The following CSMD1 variants were observed in gnomAD, a reference collection of about 807,000 sequenced individuals.
CSMD1 encodes the protein CUB and Sushi multiple domains 1, also known as CUB and sushi domain-containing protein 1.
A neutral mutation model predicts 417.5 loss-of-function variants in CSMD1; 213 were observed. That is an observed-to-expected ratio of 0.51 (90% confidence interval 0.46 to 0.57). CSMD1 has a LOEUF of 0.57. Among genes scored for constraint, CSMD1 ranks in the 20% least tolerant of loss-of-function variants. CSMD1 has a pLI of 0.00. For synonymous variants in CSMD1, 2,862 were observed against 1,736.8 expected (o/e 1.65, Z -16.11); for missense variants, 6,923 against 4,529.7 (o/e 1.53, Z -15.17).
At chr8:3,834,829 G>T (rs1019582840) in intron 5 of CSMD1, among the ~76,000 whole-genome samples, 1 of 151,784 alleles carries the variant, frequency 6.6e-6, no homozygotes, top group Non-Finnish European at 1.5e-5. Context: ...CTGACAAAGG[G>T]CTAATATCCA....
At chr8:3,605,057 C>T (rs1251900632) in intron 8 of CSMD1, among the ~76,000 whole-genome samples, 2 of 152,068 alleles carry the variant, frequency 1.3e-5, no homozygotes, top group African/African-American at 2.4e-5. Context: ...TGCAGTGGTG[C>T]CATCTCGGCT....
At chr8:3,328,570 C>G (rs1806688311) in intron 23 of CSMD1, among the ~76,000 whole-genome samples, 1 of 152,198 alleles carries the variant, frequency 6.6e-6, no homozygotes. Context: ...CAGCAATGAT[C>G]AGTTTCAATC....
intron 5 of CSMD1, among the ~76,000 whole-genome samples, chr8:3,940,717 A>G (rs2129759636): frequency 6.6e-6 from 1 of 152,068 alleles, no homozygotes; most frequent in African/African-American, 2.4e-5. Flanking sequence ...CAAATTTCAT[A>G]CTAGCATTCA....
intron 5 of CSMD1, among the ~76,000 whole-genome samples, chr8:3,971,454 T>G (rs922149210): frequency 6.6e-6 from 1 of 152,186 alleles, no homozygotes; most frequent in Admixed American, 6.5e-5. Context: ...GGGATTCGAC[T>G]AATGCAATTG....
At chr8:3,615,398 A>G (rs765529467) in intron 8 of CSMD1, among the ~76,000 whole-genome samples, 15 of 152,124 alleles carry the variant, frequency 9.9e-5, no homozygotes, top group Non-Finnish European at 1.8e-4. Flanking sequence ...TCCTCCAGAG[A>G]CCACTTTTCC....
intron 2 of CSMD1, among the ~76,000 whole-genome samples, chr8:4,478,552 G>A (rs1432800720): frequency 1.3e-5 from 2 of 152,086 alleles, no homozygotes; most frequent in African/African-American, 2.4e-5. Flanking sequence ...TCCATTTAAT[G>A]TACCGATATT....
intron 14 of CSMD1, 86 bp downstream of exon 14, chr8:3,407,813 A>T (rs2116904751): frequency 8.7e-7 from 1 of 1,145,360 alleles, no homozygotes; most frequent in Non-Finnish European, 1.2e-6. Context: ...TCAACCTTGA[A>T]ATGCAACTTC....
intron 1 of CSMD1, among the ~76,000 whole-genome samples, chr8:4,649,649 T>C (rs1160083958): frequency 6.6e-6 from 1 of 152,256 alleles, no homozygotes; most frequent in Non-Finnish European, 1.5e-5. Flanking sequence ...AGAACTCTTC[T>C]ACTCCTCTTT....
At chr8:3,205,337 T>C (rs1258110750) in intron 31 of CSMD1, among the ~76,000 whole-genome samples, 167 bp downstream of exon 31, 1 of 152,210 alleles carries the variant, frequency 6.6e-6, no homozygotes, top group Admixed American at 6.5e-5. Context: ...AGGACTGTAA[T>C]GGACATTGTG....
chr8:3,536,177 C>T (rs1431923182), intron 10 of CSMD1, among the ~76,000 whole-genome samples: 1 of 152,238 alleles, frequency 6.6e-6, no homozygotes, highest in East Asian at 1.9e-4. Context: ...ACGGGGCTTT[C>T]AGCAGACGTA....
chr8:4,544,559 A>G (rs1797551326), intron 2 of CSMD1, among the ~76,000 whole-genome samples: 1 of 152,158 alleles, frequency 6.6e-6, no homozygotes, highest in Non-Finnish European at 1.5e-5. Context: ...TTTAGAGGAC[A>G]CAGAAGGAAA....
chr8:4,403,183 T>C (rs1804767442), intron 3 of CSMD1, among the ~76,000 whole-genome samples: 1 of 152,188 alleles, frequency 6.6e-6, no homozygotes, highest in Admixed American at 6.5e-5. Flanking sequence ...ATTAGTCTGA[T>C]TACTGAAAGA....
intron 3 of CSMD1, among the ~76,000 whole-genome samples, chr8:4,300,733 G>T (rs377420944): frequency 6.6e-6 from 1 of 152,028 alleles, no homozygotes. Flanking sequence ...CCCTTCCTGC[G>T]TCCACGTGTT....
chr8:4,632,539 C>A (rs1333872883), intron 2 of CSMD1, among the ~76,000 whole-genome samples: 1 of 151,938 alleles, frequency 6.6e-6, no homozygotes, highest in Non-Finnish European at 1.5e-5. Context: ...GGGAAAAACT[C>A]AAGACGTTGG....
intron 5 of CSMD1, among the ~76,000 whole-genome samples, chr8:3,849,185 A>C (rs1803708986): frequency 6.6e-6 from 1 of 152,200 alleles, no homozygotes; most frequent in Non-Finnish European, 1.5e-5. Flanking sequence ...CTTAGTTTGA[A>C]TGAAAAATCA....
chr8:3,251,651 G>C (rs1378742239), intron 26 of CSMD1, among the ~76,000 whole-genome samples: 1 of 152,082 alleles, frequency 6.6e-6, no homozygotes, highest in African/African-American at 2.4e-5. Context: ...CAATTACCTT[G>C]GGCAGCATGG....
chr8:3,406,860 G>C (rs1454938323), intron 14 of CSMD1, among the ~76,000 whole-genome samples: 2 of 152,178 alleles, frequency 1.3e-5, no homozygotes, highest in East Asian at 3.9e-4. Flanking sequence ...CTAAAGCAAA[G>C]AGAATGAGCT....
chr8:3,253,337 T>C (rs1251752469), intron 26 of CSMD1, among the ~76,000 whole-genome samples: 1 of 152,190 alleles, frequency 6.6e-6, no homozygotes, highest in Non-Finnish European at 1.5e-5. Flanking sequence ...AGTTGAGTGG[T>C]TTTGAGTGAG....
At chr8:3,401,786 C>G (rs1372885368) in intron 15 of CSMD1, among the ~76,000 whole-genome samples, 1 of 152,108 alleles carries the variant, frequency 6.6e-6, no homozygotes, top group Non-Finnish European at 1.5e-5. Context: ...GACCAGAACC[C>G]ATGACAAGGT....
Sources: allele counts gnomAD v4.1 joint callset (sites outside exome capture counted in the v4.1 genomes callset), GRCh38; gene constraint gnomAD v4.1.1; transcripts MANE v1.5; gene names NCBI Gene and HGNC (gene_info 2026-07-23, HGNC 2026-07-21).